Variants in RASL12 observed in about 807,000 individuals in gnomAD.
The protein encoded by RASL12 is ras-like protein family member 12.
Under a neutral mutation model 22.9 loss-of-function variants are expected in RASL12, and 16 were observed. The ratio of observed to expected loss-of-function variants is 0.70; its 90% CI spans 0.47 to 1.06. RASL12 has a LOEUF of 1.06. RASL12 is among the 50% of genes least tolerant of loss of function. The pLI, the probability that RASL12 is intolerant of heterozygous loss-of-function variation, is 0.00. For missense variants in RASL12, 306 were observed against 353.1 expected, an observed-to-expected ratio of 0.87 and a Z score of 1.07; for synonymous variants, 159 against 152.2, an observed-to-expected ratio of 1.04 and a Z score of -0.33.
At position 65,054,687 on chromosome 15, in the gene RASL12, G is replaced by A. The variant is rs760759253; in HGVS notation, c.*212C>T. 5 of 1,395,858 alleles carry A rather than the reference G, an allele frequency of 3.6e-6. No individual in the cohort carries two copies. Among genetic ancestry groups the A allele is most frequent in the Non-Finnish European group, 3.7e-6 (4 of 1,077,068 alleles). The allele number at this position is 1,395,858 out of a possible 1,614,324, so 86.5% of individuals were successfully genotyped here. A position where few individuals can be genotyped will look rare whatever the true frequency, so the allele number is the denominator to read the frequency against. On this transcript the variant is annotated 3_prime_UTR_variant, in exon 5 of 5. Transcript: ENST00000220062. ...TTCCCTCTACGGCCACAGACGCGGT[G>A]GTTACCATGAAGACCAAGGCCTGGA...
At chr15:65,071,066 T>C (rs1441965269), upstream of RASL12, among the ~76,000 whole-genome samples, 1 of 152,128 alleles carries the variant, frequency 6.6e-6, no homozygotes, top group Non-Finnish European at 1.5e-5. Flanking sequence ...GCCAGGGCGT[T>C]CCCATCAGAC....
chr15:65,050,047 G>T (rs370875524), downstream of RASL12: 8 of 1,551,734 alleles, frequency 5.2e-6, no homozygotes, highest in South Asian at 1.2e-5. Flanking sequence ...AGCCGGTACT[G>T]TGGTACCCCA....
chr15:65,050,607 G>C (rs1348300195), downstream of RASL12, among the ~76,000 whole-genome samples: 1 of 152,142 alleles, frequency 6.6e-6, no homozygotes, highest in African/African-American at 2.4e-5. Context: ...GGAAACTAAG[G>C]AAATAATTAG....
chr15:65,054,420 C>A lies in RASL12; in HGVS notation c.*479G>T. The stretch of plus-strand genomic sequence containing the variant: ...AGATGACAGGAGGGCCAGGCTCTGG[C>A]CTCTGAAACTGCAGCCGCCCTGCCT... On this transcript the variant is annotated 3_prime_UTR_variant, in exon 5 of 5. Coordinates refer to ENST00000220062, the MANE Select transcript of RASL12 (RefSeq NM_016563.4). 1.0e-6 allele frequency: 1 copy of A among 989,986 alleles called. No homozygotes were observed. The highest frequency in any genetic ancestry group is 1.2e-6 in the Non-Finnish European group (1 of 832,896). 61.3% of individuals were successfully genotyped at this position (989,986 alleles called of 1,614,324 possible).
chr15:65,054,038 G>A lies in RASL12; in HGVS notation c.*861C>T, dbSNP rs1276787979. On this transcript the variant is annotated 3_prime_UTR_variant, in exon 5 of 5. Transcript: ENST00000220062. ...CTGTGTTTCTACCTGCAGGGGGGCA[G>A]GCCCTGTAGCCCCTGGATGGGTCTG... The A allele has an allele frequency of 1.0e-6, 1 of 985,910 alleles. No individual in the cohort carries two copies. 61.1% of individuals were successfully genotyped at this position (985,910 alleles called of 1,614,324 possible).
At chr15:65,061,591 AAC>A (rs1485126669) in intron 2 of RASL12, among the ~76,000 whole-genome samples, 1 of 152,130 alleles carries the variant, frequency 6.6e-6, no homozygotes, top group African/African-American at 2.4e-5. Flanking sequence ...TGGGTTTCCT[AAC>A]ACCTGGTTGT....
chr15:65,053,399 A>AGC lies in RASL12; in HGVS notation c.*1499_*1500insGC. The AGC allele has an allele frequency of 2.2e-6, 3 of 1,342,556 alleles. No homozygotes were observed. The highest frequency in any genetic ancestry group is 2.9e-6 in the Non-Finnish European group (3 of 1,048,422). The allele number at this position is 1,342,556 out of a possible 1,614,324, so 83.2% of individuals were successfully genotyped here. A position where few individuals can be genotyped will look rare whatever the true frequency, so the allele number is the denominator to read the frequency against. On this transcript the variant is annotated 3_prime_UTR_variant, in exon 5 of 5. Transcript: ENST00000220062. ...TGGAAGGGAGCAGGTGGTATTGCAT[A>AGC]GTTTGTTCAGATGGCAGTGGTACAC...
Position 65,059,431 on chromosome 15 carries a change from T to C in RASL12, c.161-13A>G, listed in dbSNP as rs1378746509. 1.2e-6 allele frequency: 2 copies of C among 1,610,634 alleles called. No individual in the cohort carries two copies. The highest frequency in any genetic ancestry group is 2.7e-5 in the African/African-American group (2 of 74,846). The stretch of plus-strand genomic sequence containing the variant: ...CTGTAGGTGTCCTCTACAACACAGA[T>C]GGTTAGCCAGGTCAGACACAGTGCC... On this transcript the variant is annotated splice_polypyrimidine_tract_variant and intron_variant, in intron 2 of 4. Transcript: ENST00000220062.
intron 2 of RASL12, among the ~76,000 whole-genome samples, chr15:65,062,770 A>G (rs193108258): frequency 5.8e-4 from 88 of 152,300 alleles, no homozygotes; most frequent in Non-Finnish European, 8.1e-4. Flanking sequence ...TAGCTCCCCA[A>G]TGGAATGTGG....
At chr15:65,052,727 T>C (rs1231065005), downstream of RASL12, among the ~76,000 whole-genome samples, 2 of 152,012 alleles carry the variant, frequency 1.3e-5, no homozygotes, top group African/African-American at 2.4e-5. Context: ...ACTTGGAAGG[T>C]GCGGGGGTGG....
At chr15:65,066,026 A>AAGAGAAGAGAAGAGT (rs1296835894) in intron 1 of RASL12, among the ~76,000 whole-genome samples, 19 of 149,478 alleles carry the variant, frequency 1.3e-4, no homozygotes, top group African/African-American at 4.2e-4. Flanking sequence ...AAGAAAAGAG[A>AAGAGAAGAGAAGAGT]AGAGAAGAGA....
chr15:65,051,165 C>T (rs1028676189), downstream of RASL12, among the ~76,000 whole-genome samples: 1 of 151,696 alleles, frequency 6.6e-6, no homozygotes, highest in Non-Finnish European at 1.5e-5. Flanking sequence ...CCTTGTGCTC[C>T]GCAGGTCCAG....
rs1440549504 is a variant in RASL12 at position 65,053,934 on chromosome 15, GT to G, written c.*964del. The G allele has an allele frequency of 2.0e-6, 2 of 985,680 alleles. No homozygotes were observed. The highest frequency in any genetic ancestry group is 6.1e-5 in the Admixed American group (1 of 16,264). 61.1% of individuals were successfully genotyped at this position (985,680 alleles called of 1,614,324 possible). On this transcript the variant is annotated 3_prime_UTR_variant, in exon 5 of 5. Transcript: ENST00000220062. ...GCTTTATTAACCCAAAATGCTTTAG[GT>G]TCTAAAGTGGGCTTTGAACACTCAG...
At chr15:65,069,167 C>T (rs551601032), upstream of RASL12, among the ~76,000 whole-genome samples, 6 of 152,268 alleles carry the variant, frequency 3.9e-5, no homozygotes, top group South Asian at 4.1e-4. Context: ...ATGGTAATAA[C>T]GACTCTTCAA....
chr15:65,054,547 C>T lies in RASL12; in HGVS notation c.*352G>A, dbSNP rs1381308332. ...CATCCACCCAGACCATCCACTAAGG[C>T]CACAGCTGGCCCAACTGTAGCTGGA... is the stretch of plus-strand genomic sequence containing the variant. On this transcript the variant is annotated 3_prime_UTR_variant, in exon 5 of 5. Coordinates refer to ENST00000220062, the MANE Select transcript of RASL12 (RefSeq NM_016563.4). 9.3e-7 allele frequency: 1 copy of T among 1,074,156 alleles called. No homozygotes were observed. Among genetic ancestry groups the T allele is most frequent in the Non-Finnish European group, 1.1e-6 (1 of 885,004 alleles). The allele number at this position is 1,074,156 out of a possible 1,614,324, so 66.5% of individuals were successfully genotyped here. A position where few individuals can be genotyped will look rare whatever the true frequency, so the allele number is the denominator to read the frequency against.
chr15:65,058,212 T>C (rs1001065943), intron 4 of RASL12, among the ~76,000 whole-genome samples: 2 of 152,176 alleles, frequency 1.3e-5, no homozygotes, highest in Non-Finnish European at 2.9e-5. Flanking sequence ...GAGGTTGCAG[T>C]GAGCCGAGAT....
chr15:65,053,333 A>C (rs909734584), downstream of RASL12: 6 of 1,419,028 alleles, frequency 4.2e-6, no homozygotes, highest in Non-Finnish European at 4.6e-6. Flanking sequence ...CAAGCAAACT[A>C]AAATTCTGTT....
rs150547318 is a variant in RASL12, at chr15:65,059,844, A to C, written c.161-426T>G. ...TCCTGTCCCCAGTGGGAGAAGAGAC[A>C]AGGGAAAAGAGAAGTACACAATACA... On this transcript the variant is annotated intron_variant, in intron 2 of 4. Coordinates refer to ENST00000220062, the MANE Select transcript of RASL12 (RefSeq NM_016563.4). 3.7e-3 allele frequency among the ~76,000 whole-genome samples: 567 copies of C among 152,330 alleles called. 2 individuals are homozygous for C. Among genetic ancestry groups the C allele is most frequent in the Admixed American group, 0.01 (158 of 15,308 alleles).
chr15:65,072,886 C>A (rs1479001004), upstream of RASL12, among the ~76,000 whole-genome samples: 3 of 152,048 alleles, frequency 2.0e-5, no homozygotes, highest in African/African-American at 7.2e-5. Flanking sequence ...TGGTATGGCC[C>A]AGCACTTTGG....
Sources: allele counts gnomAD v4.1 joint callset (sites outside exome capture counted in the v4.1 genomes callset), GRCh38; gene constraint gnomAD v4.1.1; transcripts MANE v1.5; gene names NCBI Gene and HGNC (gene_info 2026-07-23, HGNC 2026-07-21).